ELAVL2: variants seen among roughly 807,000 people sequenced by gnomAD.
The protein encoded by ELAVL2 is ELAV like RNA binding protein 2.
A neutral mutation model predicts 34.6 loss-of-function variants in ELAVL2; 4 were observed. The observed-to-expected ratio is 0.12, with a 90% CI of 0.06 to 0.26. The LOEUF is 0.26. ELAVL2 is among the 10% of genes least tolerant of loss of function. ELAVL2 has a pLI of 1.00. For synonymous variants in ELAVL2, 193 were observed against 154.8 expected, an observed-to-expected ratio of 1.25 and a Z score of -1.83; for missense variants, 432 against 442.8, an observed-to-expected ratio of 0.98 and a Z score of 0.22.
intron 2 of ELAVL2, among the ~76,000 whole-genome samples, chr9:23,738,547 C>A (rs1056185062): frequency 6.6e-6 from 1 of 152,110 alleles, no homozygotes; most frequent in Non-Finnish European, 1.5e-5. Context: ...GGGATTATCA[C>A]AAGGATGGAG....
At chr9:23,731,232 CAACAGTAA>C (rs2046450723) in intron 2 of ELAVL2, 107 bp from the exon 3 acceptor site, 1 of 818,734 alleles carries the variant, frequency 1.2e-6, no homozygotes, top group East Asian at 2.8e-5. Flanking sequence ...CATATTTCCT[CAACAGTAA>C]AAAGAACTCT....
At chr9:23,814,794 A>G (rs767541674) in intron 1 of ELAVL2, among the ~76,000 whole-genome samples, 35 of 152,296 alleles carry the variant, frequency 2.3e-4, no homozygotes, top group Admixed American at 6.5e-4. Flanking sequence ...CAATAAAGCA[A>G]TATCAGTATA....
rs576543980 is a variant in ELAVL2 at position 23,732,735 on chromosome 9, T to A, written c.230-1610A>T. 5.3e-5 allele frequency among the ~76,000 whole-genome samples: 8 copies of A among 152,308 alleles called. No homozygotes were observed. In the South Asian group the frequency reaches 1.7e-3, roughly 32 times the overall value. Reference sequence around the variant, plus strand: ...TTCCAATACCGGCTCTGGTGTTTACTGGCTCGCAGTTAGCTGTGCAACTTT... The same window carrying A: ...TTCCAATACCGGCTCTGGTGTTTACAGGCTCGCAGTTAGCTGTGCAACTTT... On this transcript the variant is annotated intron_variant, in intron 2 of 6. Transcript: ENST00000397312.
chr9:23,839,072 C>G, the ELAVL2 span, among the ~76,000 whole-genome samples: 2 of 151,992 alleles, frequency 1.3e-5, no homozygotes, highest in East Asian at 3.9e-4. Flanking sequence ...AATACCATGA[C>G]CAAGAATCTA....
chr9:23,769,009 G>A (rs1343174652), intron 1 of ELAVL2, among the ~76,000 whole-genome samples: 1 of 151,928 alleles, frequency 6.6e-6, no homozygotes, highest in Non-Finnish European at 1.5e-5. Flanking sequence ...CCTAAACAGA[G>A]TGAACTTGGT....
chr9:23,793,036 C>T (rs1200104307), intron 1 of ELAVL2, among the ~76,000 whole-genome samples: 1 of 152,146 alleles, frequency 6.6e-6, no homozygotes. Flanking sequence ...GCAAGGCCTC[C>T]CAAAGTGCTG....
At chr9:23,827,187 C>T (rs2065346267), upstream of ELAVL2, among the ~76,000 whole-genome samples, 1 of 152,210 alleles carries the variant, frequency 6.6e-6, no homozygotes, top group African/African-American at 2.4e-5. Flanking sequence ...GTCCTTGGAC[C>T]ACACATGTAT....
At chr9:23,693,560 C>T in intron 5 of ELAVL2, 74 bp from the exon 6 acceptor site, 1 of 1,532,020 alleles carries the variant, frequency 6.5e-7, no homozygotes, top group Non-Finnish European at 9.0e-7. Flanking sequence ...GGGCTCATTA[C>T]TGCCATCTTC....
chr9:23,845,638 C>G, the ELAVL2 span, among the ~76,000 whole-genome samples: 3 of 151,486 alleles, frequency 2.0e-5, no homozygotes, highest in Non-Finnish European at 4.4e-5. Flanking sequence ...TACTAGTACT[C>G]TCATAGTAAT....
intron 3 of ELAVL2, among the ~76,000 whole-genome samples, chr9:23,712,955 C>T (rs1348349655): frequency 6.6e-6 from 1 of 152,182 alleles, no homozygotes; most frequent in Non-Finnish European, 1.5e-5. Flanking sequence ...CAACTACAGA[C>T]TTCACAAATT....
intron 2 of ELAVL2, among the ~76,000 whole-genome samples, chr9:23,743,102 T>C (rs570350704): frequency 1.3e-4 from 20 of 152,282 alleles, no homozygotes; most frequent in Non-Finnish European, 2.1e-4. Flanking sequence ...ATGGTTAAAG[T>C]TGTAAAGGCT....
the ELAVL2 span, among the ~76,000 whole-genome samples, chr9:23,837,189 T>G: frequency 6.6e-6 from 1 of 152,092 alleles, no homozygotes; most frequent in Admixed American, 6.6e-5. Context: ...ACGGAAGCTG[T>G]GAGGGAGAGA....
intron 3 of ELAVL2, among the ~76,000 whole-genome samples, chr9:23,718,736 T>C (rs770533948): frequency 2.0e-5 from 3 of 152,224 alleles, no homozygotes; most frequent in Non-Finnish European, 4.4e-5. Context: ...CCTGAAACAT[T>C]AGTGAGTGTT....
At chr9:23,775,661 T>A (rs2058069118) in intron 1 of ELAVL2, among the ~76,000 whole-genome samples, 1 of 152,172 alleles carries the variant, frequency 6.6e-6, no homozygotes, top group South Asian at 2.1e-4. Flanking sequence ...AAGTAACATC[T>A]CAGCTCCCTA....
At chr9:23,696,146 T>C (rs1048941569) in intron 5 of ELAVL2, among the ~76,000 whole-genome samples, 6 of 152,110 alleles carry the variant, frequency 3.9e-5, no homozygotes, top group Non-Finnish European at 8.8e-5. Flanking sequence ...TTCTCCTCCA[T>C]CACCAACGAG....
rs373744095 is a variant in ELAVL2, at chr9:23,720,801, A to G, written c.333+10221T>C. On this transcript the variant is annotated intron_variant, in intron 3 of 6. Coordinates refer to ENST00000397312, the MANE Select transcript of ELAVL2 (RefSeq NM_004432.5). The stretch of plus-strand genomic sequence containing the variant: ...TGCAAATCATTAAGATCCACTGAAC[A>G]GTGTTTCTCAGGTCAGGCCACCATC... Among the ~76,000 whole-genome samples the G allele has an allele frequency of 1.8e-4, 28 of 152,328 alleles. No homozygotes were observed. The East Asian group carries it at 4.8e-3, about 26-fold the overall frequency.
chr9:23,775,572 T>A (rs1291274454), intron 1 of ELAVL2, among the ~76,000 whole-genome samples: 5 of 152,140 alleles, frequency 3.3e-5, no homozygotes, highest in Admixed American at 6.5e-5. Context: ...ATTCCACGGC[T>A]GTGGGGATCT....
chr9:23,779,938 G>C (rs1757554658), intron 1 of ELAVL2, among the ~76,000 whole-genome samples: 1 of 123,794 alleles, frequency 8.1e-6, no homozygotes, highest in African/African-American at 3.0e-5. Flanking sequence ...AATGCTATTG[G>C]CTTTTTCTTT....
intron 1 of ELAVL2, among the ~76,000 whole-genome samples, chr9:23,798,803 T>C (rs2061262281): frequency 6.6e-6 from 1 of 152,160 alleles, no homozygotes; most frequent in Non-Finnish European, 1.5e-5. Context: ...TGGTTTAAAA[T>C]GGTTCCCAGG....
Sources: allele counts gnomAD v4.1 joint callset (sites outside exome capture counted in the v4.1 genomes callset), GRCh38; gene constraint gnomAD v4.1.1; transcripts MANE v1.5; gene names NCBI Gene and HGNC (gene_info 2026-07-23, HGNC 2026-07-21).